Variants in CACNA1I observed in about 807,000 individuals in gnomAD.
The protein encoded by CACNA1I is voltage-dependent T-type calcium channel subunit alpha-1I.
A neutral mutation model predicts 201.6 loss-of-function variants in CACNA1I; 74 were observed. That is an observed-to-expected ratio of 0.37 (90% CI 0.30 to 0.45). The LOEUF (loss-of-function observed/expected upper bound fraction) is 0.45, where lower values mean the gene tolerates loss of function less well. CACNA1I is among the 20% of genes least tolerant of loss of function. The pLI is 1.00. For synonymous variants in CACNA1I, 1,431 were observed against 1,345.2 expected, an observed-to-expected ratio of 1.06 and a Z score of -1.40; for missense variants, 2,346 against 3,138.1, an observed-to-expected ratio of 0.75 and a Z score of 6.03.
rs921163843 is a variant in CACNA1I, at chr22:39,629,846, GCT to G, written c.581-4711_581-4710del. 3.9e-5 allele frequency among the ~76,000 whole-genome samples: 6 copies of G among 152,136 alleles called. No individual in the cohort carries two copies. The highest frequency in any genetic ancestry group is 9.7e-5 in the African/African-American group (4 of 41,402). ...GGATCCTGCAGACTGTGCGGCTGAT[GCT>G]CTCTCTCCTCTGCCCTGGCCCCCCG... On this transcript the variant is annotated intron_variant, in intron 4 of 36. Coordinates refer to ENST00000402142, the MANE Select transcript of CACNA1I (RefSeq NM_021096.4). The surrounding 1 kb of genome is among the most constrained non-coding windows in gnomAD (Gnocchi z 4.8).
Position 39,661,979 on chromosome 22 carries a change from C to A in CACNA1I, c.2916C>A (p.Ser972Arg). The A allele has an allele frequency of 3.9e-6, 6 of 1,543,798 alleles. No individual in the cohort carries two copies. Among genetic ancestry groups the A allele is most frequent in the Non-Finnish European group, 5.2e-6 (6 of 1,150,176 alleles). ...ACTCCTTCCAGTCCAGCTCCCGGAG[C>A]TCCTACTACGGGCCATGGGGCCGCA... ...YDQRSLSSSR[S>R]SYYGPWGRSA... is the part of the protein sequence containing the mutation. Residue 972 changes from serine (S) to arginine (R), a missense_variant, in exon 17 of 37, where the codon AGC becomes AGA. Coordinates refer to ENST00000402142, the MANE Select transcript of CACNA1I (RefSeq NM_021096.4).
At chr22:39,594,092 C>A (rs536250742) in intron 1 of CACNA1I, among the ~76,000 whole-genome samples, 1 of 152,140 alleles carries the variant, frequency 6.6e-6, no homozygotes, top group Non-Finnish European at 1.5e-5. Flanking sequence ...CAGAGGAGAG[C>A]GCTGGCCTTG....
intron 4 of CACNA1I, among the ~76,000 whole-genome samples, chr22:39,630,042 T>TGCTGTG (rs956230631): frequency 6.6e-6 from 1 of 152,150 alleles, no homozygotes; most frequent in African/African-American, 2.4e-5. Flanking sequence ...ATGGTCTCCT[T>TGCTGTG]GCTGTGGCTG....
intron 10 of CACNA1I, among the ~76,000 whole-genome samples, chr22:39,651,857 C>T (rs973215458): frequency 2.6e-5 from 4 of 152,220 alleles, no homozygotes; most frequent in Non-Finnish European, 5.9e-5. Context: ...GCAGAGGGCT[C>T]TTTGCCAGGG....
intron 1 of CACNA1I, among the ~76,000 whole-genome samples, chr22:39,594,480 G>A (rs1932856703): frequency 6.6e-6 from 1 of 152,204 alleles, no homozygotes; most frequent in South Asian, 2.1e-4. Context: ...CTCGAAGGGG[G>A]CCCTGGCAGC....
chr22:39,619,284 C>T (rs1933655749), intron 3 of CACNA1I, 26 bp from the exon 4 acceptor site: 1 of 1,574,866 alleles, frequency 6.3e-7, no homozygotes, highest in Non-Finnish European at 8.7e-7. Flanking sequence ...CAGCACCATC[C>T]CTCACTCTCT....
intron 4 of CACNA1I, among the ~76,000 whole-genome samples, chr22:39,630,447 G>A (rs1049463805): frequency 2.0e-5 from 3 of 152,214 alleles, no homozygotes; most frequent in Non-Finnish European, 2.9e-5. Flanking sequence ...ACAGTGCCCG[G>A]CACGGAGCCA....
At chr22:39,667,356 G>C (rs73163054) in intron 23 of CACNA1I, among the ~76,000 whole-genome samples, 1,525 of 152,356 alleles carry the variant, frequency 0.01, 14 homozygotes, top group Admixed American at 0.014. Context: ...TGCAGGGCCA[G>C]AGACTCATTC....
Position 39,686,358 on chromosome 22 carries a change from C to G in CACNA1I, c.6625C>G (p.Pro2209Ala), listed in dbSNP as rs1222335814. The G allele has an allele frequency of 9.1e-6, 12 of 1,313,840 alleles. No individual in the cohort carries two copies. The highest frequency in any genetic ancestry group is 8.7e-6 in the Non-Finnish European group (9 of 1,029,306). 81.4% of individuals were successfully genotyped at this position (1,313,840 alleles called of 1,614,324 possible). A position where few individuals can be genotyped will look rare whatever the true frequency, so the allele number is the denominator to read the frequency against. Residue 2209 changes from proline (P) to alanine (A), a missense_variant, in exon 37 of 37, where the codon CCC becomes GCC. Around this residue, in one of 13 missense-constraint regions of CACNA1I, gnomAD observed 187 missense variants for 151.0 expected, o/e 1.24. Coordinates refer to ENST00000402142, the MANE Select transcript of CACNA1I (RefSeq NM_021096.4). ...GPLAPPPQPL[P>A]GELEPGDAAS... The stretch of plus-strand genomic sequence containing the variant: ...CTTGGCGCCCCCGCCGCAACCGCTC[C>G]CCGGAGAGCTGGAGCCGGGAGACGC...
At chr22:39,612,491 A>G (rs1466836865) in intron 3 of CACNA1I, among the ~76,000 whole-genome samples, 1 of 152,188 alleles carries the variant, frequency 6.6e-6, no homozygotes, top group Non-Finnish European at 1.5e-5. Context: ...TCCAAGATCA[A>G]GGTGCTGGCA....
chr22:39,637,288 T>A (rs2146415593), intron 5 of CACNA1I, among the ~76,000 whole-genome samples: 1 of 152,304 alleles, frequency 6.6e-6, no homozygotes, highest in East Asian at 1.9e-4. Context: ...ATGGGGCTTC[T>A]CGCTTCACAG....
In CACNA1I at chr22:39,648,551, G is replaced by C. The variant is rs929405239; in HGVS notation, c.1567+625G>C. 2.0e-5 allele frequency among the ~76,000 whole-genome samples: 3 copies of C among 152,126 alleles called. No individual in the cohort carries two copies. Among genetic ancestry groups the C allele is most frequent in the African/African-American group, 7.2e-5 (3 of 41,434 alleles). ...CGGGGTGAGATGGGACTGACCCCTG[G>C]GTTCCTGGCTGCCCGCCCTGACTCC... On this transcript the variant is annotated intron_variant, in intron 9 of 36. Coordinates refer to ENST00000402142, the MANE Select transcript of CACNA1I (RefSeq NM_021096.4). The surrounding 1 kb of genome is among the most constrained non-coding windows in gnomAD (Gnocchi z 5.4).
rs557288053 is a variant in CACNA1I at position 39,576,996 on chromosome 22, G to C, written c.236+6008G>C. Among the ~76,000 whole-genome samples, 259 of 152,160 alleles carry C rather than the reference G, an allele frequency of 1.7e-3. 1 individual carries two copies. Among genetic ancestry groups the C allele is most frequent in the Non-Finnish European group, 3.2e-3 (221 of 68,006 alleles). ...AGACCAAGTCTCGCACTGTCGCCCA[G>C]GCTGGAGTGCAGTGGTGCGATCTCG... On this transcript the variant is annotated intron_variant, in intron 1 of 36. Transcript: ENST00000402142.
intron 35 of CACNA1I, among the ~76,000 whole-genome samples, chr22:39,682,909 G>A (rs1404543868): frequency 1.3e-5 from 2 of 152,126 alleles, no homozygotes; most frequent in African/African-American, 4.8e-5. Context: ...TCTAAAGGAA[G>A]CTTCATGCTG....
chr22:39,645,331 C>T (rs1207952681), intron 7 of CACNA1I, among the ~76,000 whole-genome samples: 1 of 152,184 alleles, frequency 6.6e-6, no homozygotes, highest in African/African-American at 2.4e-5. Context: ...TTTGAGCCTC[C>T]TATTTTACAG....
chr22:39,677,511 C>T lies in CACNA1I; in HGVS notation c.4933+92C>T, dbSNP rs565684922. On this transcript the variant is annotated intron_variant, in intron 30 of 36. Transcript: ENST00000402142. The surrounding 1 kb of genome is among the most constrained non-coding windows in gnomAD (Gnocchi z 4.8). Reference sequence around the variant, plus strand: ...GGGGGAGGCCTGAGACCCCTGAGCCCGTCACATCAGGGTCTTTGTATTGGG... The same window carrying T: ...GGGGGAGGCCTGAGACCCCTGAGCCTGTCACATCAGGGTCTTTGTATTGGG... 642 of 864,210 alleles carry T rather than the reference C, an allele frequency of 7.4e-4. No homozygotes were observed. The highest frequency in any genetic ancestry group is 1.0e-3 in the Non-Finnish European group (579 of 573,518). 53.5% of individuals were successfully genotyped at this position (864,210 alleles called of 1,614,324 possible).
chr22:39,686,284 G>C lies in CACNA1I; in HGVS notation c.6551G>C (p.Arg2184Pro). 1 of 1,316,764 alleles carries C rather than the reference G, an allele frequency of 7.6e-7. No homozygotes were observed. The highest frequency in any genetic ancestry group is 9.7e-7 in the Non-Finnish European group (1 of 1,029,300). 81.6% of individuals were successfully genotyped at this position (1,316,764 alleles called of 1,614,324 possible). Residue 2184 changes from arginine to proline, a missense_variant, in exon 37 of 37, where the codon CGC becomes CCC. Physicochemically the swap from Arg to Pro is moderately radical, Grantham distance 103. Around this residue, in one of 13 missense-constraint regions of CACNA1I, gnomAD observed 187 missense variants for 151.0 expected, o/e 1.24. Transcript: ENST00000402142. The part of the protein sequence containing the change: ...LARSPSWAAD[R>P]SKDPPGRAPL... Reference sequence around the variant, plus strand: ...CGGAGCCCCTCGTGGGCCGCGGACCGCAGCAAGGACCCCCCCGGCCGGGCA... The same window carrying C: ...CGGAGCCCCTCGTGGGCCGCGGACCCCAGCAAGGACCCCCCCGGCCGGGCA...
Position 39,659,690 on chromosome 22 carries a change from C to G in CACNA1I, c.2449-7C>G. On this transcript the variant is annotated splice_region_variant and splice_polypyrimidine_tract_variant and intron_variant, in intron 13 of 36. Transcript: ENST00000402142. This position sits in a 1 kb window ranked among gnomAD's most constrained non-coding sequence, Gnocchi z 4.3. ...GTACCCCAGGGCTAACTGTGTCTCC[C>G]CAACAGATCCTCACCCAGGAGGACT... is the stretch of plus-strand genomic sequence containing the variant. The G allele has an allele frequency of 6.2e-7, 1 of 1,613,790 alleles. No individual in the cohort carries two copies.
chr22:39,675,225 C>T (rs9619826), intron 29 of CACNA1I, among the ~76,000 whole-genome samples: 20,222 of 152,248 alleles, frequency 0.13, 1,716 homozygotes, highest in Middle Eastern at 0.29. Context: ...CTCCCTCAAG[C>T]GCTTATTTCA....
Sources: allele counts gnomAD v4.1 joint callset (sites outside exome capture counted in the v4.1 genomes callset), GRCh38; gene constraint gnomAD v4.1.1; regional missense constraint gnomAD v4.1.1; non-coding constraint Gnocchi (gnomAD v3.1); transcripts MANE v1.5; gene names NCBI Gene and HGNC (gene_info 2026-07-23, HGNC 2026-07-21).